Variants in EDIL3 observed in about 807,000 individuals in gnomAD.
The protein encoded by EDIL3 is EGF-like repeat and discoidin I-like domain-containing protein 3.
A neutral mutation model predicts 67.4 loss-of-function variants in EDIL3; 37 were observed. The ratio of observed to expected loss-of-function variants is 0.55; its 90% CI spans 0.42 to 0.72. The LOEUF (loss-of-function observed/expected upper bound fraction) is 0.72, where lower values mean the gene tolerates loss of function less well. Ranked by LOEUF, EDIL3 falls within the 30% of genes least tolerant of loss-of-function variation. EDIL3 has a pLI of 0.00. For synonymous variants in EDIL3, 195 were observed against 196.3 expected, an observed-to-expected ratio of 0.99 and a Z score of 0.05; for missense variants, 527 against 586.3, an observed-to-expected ratio of 0.90 and a Z score of 1.04.
At chr5:84,011,726 C>T (rs1210409146) in intron 9 of EDIL3, among the ~76,000 whole-genome samples, 2 of 152,074 alleles carry the variant, frequency 1.3e-5, no homozygotes, top group African/African-American at 4.8e-5. Flanking sequence ...AAGCTTATTC[C>T]TTCTTTAGGG....
chr5:84,024,373 C>G (rs562679875), intron 9 of EDIL3, among the ~76,000 whole-genome samples: 1 of 152,260 alleles, frequency 6.6e-6, no homozygotes, highest in African/African-American at 2.4e-5. Context: ...TCAAGTGCCT[C>G]ATTTGCTCTT....
chr5:84,265,517 A>C (rs16901019), intron 1 of EDIL3, among the ~76,000 whole-genome samples: 1,956 of 152,324 alleles, frequency 0.013, 49 homozygotes, highest in African/African-American at 0.045. Flanking sequence ...TCTTGACGAA[A>C]TTTTGTAAAA....
intron 6 of EDIL3, among the ~76,000 whole-genome samples, chr5:84,091,611 G>A: frequency 6.6e-6 from 1 of 152,162 alleles, no homozygotes; most frequent in African/African-American, 2.4e-5. Context: ...GAACAAATTT[G>A]CACAGTGTCT....
chr5:84,097,458 G>T lies in EDIL3; in HGVS notation c.651+9191C>A, dbSNP rs146751536. ...TAATGTAGTTTTTACTTTAATAAAA[G>T]TCCTAATAAAAATAGGCTGTTTGGA... On this transcript the variant is annotated intron_variant, in intron 6 of 10. Coordinates refer to ENST00000296591, the MANE Select transcript of EDIL3 (RefSeq NM_005711.5). Among the ~76,000 whole-genome samples the T allele has an allele frequency of 6.6e-5, 10 of 152,140 alleles. No homozygotes were observed. The East Asian group carries it at 1.7e-3, about 26-fold the overall frequency.
intron 1 of EDIL3, among the ~76,000 whole-genome samples, chr5:84,274,628 T>A (rs114650628): frequency 2.0e-3 from 303 of 152,320 alleles, no homozygotes; most frequent in African/African-American, 7.0e-3. Context: ...TGGAATAATT[T>A]TTTTAATGTT....
At chr5:84,253,525 A>C (rs1745072824) in intron 2 of EDIL3, among the ~76,000 whole-genome samples, 1 of 152,180 alleles carries the variant, frequency 6.6e-6, no homozygotes, top group Non-Finnish European at 1.5e-5. Context: ...ATTTTTTAAA[A>C]AACTATTTGA....
chr5:84,114,148 GTTTTTTTTT>G (rs918208407), intron 5 of EDIL3, among the ~76,000 whole-genome samples: 1 of 109,840 alleles, frequency 9.1e-6, no homozygotes, highest in Non-Finnish European at 1.8e-5. Flanking sequence ...GAACCCTAAA[GTTTTTTTTT>G]TTTTTTTTTT....
intron 9 of EDIL3, among the ~76,000 whole-genome samples, chr5:84,043,450 G>A (rs1746167028): frequency 6.6e-6 from 1 of 152,188 alleles, no homozygotes; most frequent in South Asian, 2.1e-4. Flanking sequence ...AGGAACAGAG[G>A]CACGCAGTGA....
At chr5:84,321,207 G>C (rs893659378) in intron 1 of EDIL3, among the ~76,000 whole-genome samples, 1 of 151,818 alleles carries the variant, frequency 6.6e-6, no homozygotes, top group African/African-American at 2.4e-5. Flanking sequence ...AGTACCCCTG[G>C]TGTATATCTG....
intron 1 of EDIL3, among the ~76,000 whole-genome samples, chr5:84,299,452 A>T (rs1490253261): frequency 6.6e-6 from 1 of 152,190 alleles, no homozygotes; most frequent in Non-Finnish European, 1.5e-5. Context: ...CACTCCTCAT[A>T]GATCCCTACA....
chr5:84,080,174 T>C (rs1049971112), intron 6 of EDIL3, among the ~76,000 whole-genome samples: 4 of 141,130 alleles, frequency 2.8e-5, no homozygotes, highest in Non-Finnish European at 6.1e-5. Flanking sequence ...CGGGCGCCTG[T>C]AGTCCCAGCT....
At chr5:84,249,430 T>C (rs1272775398) in intron 2 of EDIL3, among the ~76,000 whole-genome samples, 1 of 145,562 alleles carries the variant, frequency 6.9e-6, no homozygotes, top group East Asian at 2.0e-4. Context: ...TATCTATCTA[T>C]CATCTATTTT....
intron 1 of EDIL3, among the ~76,000 whole-genome samples, chr5:84,266,193 C>G (rs555079027): frequency 2.0e-5 from 3 of 152,230 alleles, no homozygotes; most frequent in Admixed American, 2.0e-4. Flanking sequence ...ATTCAAAAAC[C>G]CATTGCCTCT....
At chr5:84,005,403 G>A (rs1480531576) in intron 9 of EDIL3, among the ~76,000 whole-genome samples, 1 of 152,034 alleles carries the variant, frequency 6.6e-6, no homozygotes, top group Non-Finnish European at 1.5e-5. Flanking sequence ...TATCCCTGAC[G>A]AACATAGATG....
chr5:84,370,670 T>G (rs1402832625), intron 1 of EDIL3, among the ~76,000 whole-genome samples: 1 of 152,176 alleles, frequency 6.6e-6, no homozygotes, highest in Non-Finnish European at 1.5e-5. Context: ...ACCTGAATCT[T>G]CCTTTTAAAC....
chr5:84,165,651 T>C lies in EDIL3; in HGVS notation c.355+14742A>G, dbSNP rs534450317. 2.6e-5 allele frequency among the ~76,000 whole-genome samples: 4 copies of C among 152,178 alleles called. No homozygotes were observed. The South Asian group carries it at 8.3e-4, about 32-fold the overall frequency. ...TGTGCTCACTGTAAACAACAAATAATGACAAAACCTCCAGCAGCAAGAGAG... is the reference window on the plus strand; with the variant it reads ...TGTGCTCACTGTAAACAACAAATAACGACAAAACCTCCAGCAGCAAGAGAG... On this transcript the variant is annotated intron_variant, in intron 4 of 10. Coordinates refer to ENST00000296591, the MANE Select transcript of EDIL3 (RefSeq NM_005711.5).
chr5:84,265,784 A>G (rs1392698852), intron 1 of EDIL3, among the ~76,000 whole-genome samples: 1 of 152,228 alleles, frequency 6.6e-6, no homozygotes, highest in Non-Finnish European at 1.5e-5. Context: ...TCTGTTATTC[A>G]GATTTAATGG....
intron 9 of EDIL3, among the ~76,000 whole-genome samples, chr5:83,983,832 AT>A (rs767701076): frequency 2.6e-5 from 4 of 151,576 alleles, no homozygotes; most frequent in Non-Finnish European, 4.4e-5. Context: ...GCATACAGGA[AT>A]AGGAATGGGT....
chr5:84,019,998 G>A (rs553215860), intron 9 of EDIL3, among the ~76,000 whole-genome samples: 15 of 148,760 alleles, frequency 1.0e-4, no homozygotes, highest in East Asian at 6.0e-4. Context: ...ATCAGTTAGC[G>A]GAACGTTGCA....
Sources: gnomAD v4.1 joint callset for allele counts (sites outside exome capture counted in the v4.1 genomes callset) on GRCh38, gnomAD v4.1.1 for gene constraint, MANE v1.5 for transcripts, NCBI Gene and HGNC (gene_info 2026-07-23, HGNC 2026-07-21) for gene names.